PDE11A: variants seen among roughly 807,000 people sequenced by gnomAD.
PDE11A encodes the protein phosphodiesterase 11A.
In PDE11A, 100 loss-of-function variants were observed where a neutral mutation model predicts 100.5. The ratio of observed to expected loss-of-function variants is 1.00; its 90% CI spans 0.85 to 1.18. PDE11A has a LOEUF of 1.18. Ranked by LOEUF, PDE11A falls within the 50% of genes most tolerant of loss-of-function variation. The pLI, the probability that PDE11A is intolerant of heterozygous loss-of-function variation, is 0.00. For synonymous variants in PDE11A, 381 were observed against 420.8 expected, an observed-to-expected ratio of 0.91 and a Z score of 1.16; for missense variants, 1,141 against 1,152.6, an observed-to-expected ratio of 0.99 and a Z score of 0.15.
At chr2:177,819,299 A>T (rs1479508274) in intron 7 of PDE11A, among the ~76,000 whole-genome samples, 1 of 152,108 alleles carries the variant, frequency 6.6e-6, no homozygotes, top group Non-Finnish European at 1.5e-5. Context: ...ACACTCACAG[A>T]ATACTAAATC....
intron 2 of PDE11A, among the ~76,000 whole-genome samples, chr2:177,915,816 T>G (rs2084943895): frequency 6.6e-6 from 1 of 152,188 alleles, no homozygotes; most frequent in Admixed American, 6.5e-5. Context: ...TCCCACCCTT[T>G]CCTATGTCTG....
intron 2 of PDE11A, among the ~76,000 whole-genome samples, chr2:178,096,402 T>A (rs1401760149): frequency 6.6e-6 from 1 of 151,314 alleles, no homozygotes; most frequent in African/African-American, 2.4e-5. Context: ...CTCGATCTCC[T>A]GACCTCATGA....
At chr2:177,713,832 T>C (rs2081392170) in intron 12 of PDE11A, among the ~76,000 whole-genome samples, 1 of 152,100 alleles carries the variant, frequency 6.6e-6, no homozygotes, top group South Asian at 2.1e-4. Flanking sequence ...AATTATTACC[T>C]GCAGTAACTA....
At chr2:177,707,937 T>C (rs920941006) in intron 13 of PDE11A, among the ~76,000 whole-genome samples, 1 of 152,190 alleles carries the variant, frequency 6.6e-6, no homozygotes, top group Non-Finnish European at 1.5e-5. Flanking sequence ...CTAACACAGT[T>C]ATCCCATCTT....
intron 12 of PDE11A, 109 bp downstream of exon 12, chr2:177,727,549 C>T (rs2081616880): frequency 3.8e-6 from 3 of 780,634 alleles, no homozygotes; most frequent in Middle Eastern, 2.2e-4. Flanking sequence ...TAAGTTCCAA[C>T]ATAAAATGAT....
intron 2 of PDE11A, among the ~76,000 whole-genome samples, chr2:177,961,097 C>A (rs1235201440): frequency 1.3e-5 from 2 of 152,178 alleles, no homozygotes; most frequent in East Asian, 3.9e-4. Context: ...CTCTTACAAA[C>A]AGCAGGAAGA....
At chr2:177,997,815 G>A (rs2086095848) in intron 2 of PDE11A, 5 of 1,296,924 alleles carry the variant, frequency 3.9e-6, no homozygotes, top group African/African-American at 1.5e-5. Context: ...CTGGAGGGAG[G>A]GGCATGTATT....
intron 5 of PDE11A, among the ~76,000 whole-genome samples, chr2:177,866,084 T>A (rs2695723): frequency 0.97 from 148,324 of 152,360 alleles, 72,303 homozygotes; most frequent in Middle Eastern, 1. Flanking sequence ...CCAAGTAAGA[T>A]TAATAAAAAT....
At chr2:177,730,240 C>T (rs769772225) in intron 10 of PDE11A, among the ~76,000 whole-genome samples, 3 of 152,142 alleles carry the variant, frequency 2.0e-5, no homozygotes, top group Non-Finnish European at 2.9e-5. Flanking sequence ...CCACACCCCA[C>T]GACAGATCCC....
In PDE11A at chr2:177,886,166, G is replaced by C. The variant is rs190471110; in HGVS notation, c.1303-10243C>G. Among the ~76,000 whole-genome samples the C allele has an allele frequency of 7.6e-4, 115 of 152,304 alleles. 2 individuals are homozygous for C. The highest frequency in any genetic ancestry group is 2.5e-3 in the African/African-American group (102 of 41,578). ...ATTGCTTAGACAGGTTCATAGGATG[G>C]AATAACAGTAAGCAGGGAATATTCA... On this transcript the variant is annotated intron_variant, in intron 4 of 19. Transcript: ENST00000286063.
At chr2:177,711,440 G>A (rs2081358058) in intron 13 of PDE11A, among the ~76,000 whole-genome samples, 1 of 152,206 alleles carries the variant, frequency 6.6e-6, no homozygotes, top group Non-Finnish European at 1.5e-5. Flanking sequence ...ACCAGAGTTT[G>A]AGAGTAGCAA....
intron 1 of PDE11A, among the ~76,000 whole-genome samples, chr2:178,070,282 T>C (rs561971489): frequency 1.2e-4 from 19 of 152,322 alleles, no homozygotes; most frequent in African/African-American, 4.6e-4. Flanking sequence ...TCCTTTAATA[T>C]TAAAGTGTTA....
At chr2:177,809,878 TAGTCTCTG>T (rs1375997574) in intron 9 of PDE11A, among the ~76,000 whole-genome samples, 1 of 152,182 alleles carries the variant, frequency 6.6e-6, no homozygotes. Context: ...ATTCTACTTG[TAGTCTCTG>T]AGTCTAGCCC....
At chr2:177,741,009 A>C (rs1290725898) in intron 10 of PDE11A, among the ~76,000 whole-genome samples, 3 of 152,234 alleles carry the variant, frequency 2.0e-5, no homozygotes, top group Non-Finnish European at 4.4e-5. Context: ...AAGGGAACAC[A>C]ATGATAACTA....
At chr2:178,067,173 C>T (rs370474617) in intron 1 of PDE11A, among the ~76,000 whole-genome samples, 31 of 152,292 alleles carry the variant, frequency 2.0e-4, no homozygotes, top group African/African-American at 6.3e-4. Flanking sequence ...TTTAATTGTT[C>T]ATCATGGCTC....
At chr2:177,843,618 T>C (rs1440399341) in intron 5 of PDE11A, among the ~76,000 whole-genome samples, 1 of 152,198 alleles carries the variant, frequency 6.6e-6, no homozygotes, top group Admixed American at 6.5e-5. Context: ...GTATGCATAC[T>C]GAATTGAAAT....
chr2:177,903,920 G>A (rs2084738598), intron 3 of PDE11A, among the ~76,000 whole-genome samples: 1 of 152,132 alleles, frequency 6.6e-6, no homozygotes, highest in African/African-American at 2.4e-5. Context: ...GGCTAAAGAT[G>A]AAAAGAAGAT....
In PDE11A at chr2:177,925,814, C is replaced by T. The variant is rs192217520; in HGVS notation, c.1072-20627G>A. Among the ~76,000 whole-genome samples the T allele has an allele frequency of 7.1e-4, 108 of 152,312 alleles. No individual in the cohort carries two copies. The Middle Eastern group carries it at 0.01, about 14-fold the overall frequency. Reference sequence around the variant, plus strand: ...AAGAAGAAAACCTTGAAAAACTAAACTGTGTTCTTTTAGGTCAACATGGAA... The same window carrying T: ...AAGAAGAAAACCTTGAAAAACTAAATTGTGTTCTTTTAGGTCAACATGGAA... On this transcript the variant is annotated intron_variant, in intron 2 of 19. Transcript: ENST00000286063.
intron 4 of PDE11A, among the ~76,000 whole-genome samples, chr2:177,895,731 T>C (rs1387578488): frequency 6.6e-6 from 1 of 152,104 alleles, no homozygotes; most frequent in Non-Finnish European, 1.5e-5. Flanking sequence ...AAAAGTAGAA[T>C]GGTAGTTGCC....
Sources: gnomAD v4.1 joint callset for allele counts (sites outside exome capture counted in the v4.1 genomes callset) on GRCh38, gnomAD v4.1.1 for gene constraint, MANE v1.5 for transcripts, NCBI Gene and HGNC (gene_info 2026-07-23, HGNC 2026-07-21) for gene names.